IFI44L: variants seen among roughly 807,000 people sequenced by gnomAD.
IFI44L encodes the protein interferon induced protein 44 like, also known as interferon-induced protein 44-like.
IFI44L carries 40 observed loss-of-function variants against 39.3 expected under a neutral mutation model. The ratio of observed to expected loss-of-function variants is 1.02; its 90% CI spans 0.79 to 1.33. The LOEUF (loss-of-function observed/expected upper bound fraction) is 1.33. Among genes scored for constraint, IFI44L ranks in the 40% most tolerant of loss-of-function variants. The pLI, the probability that IFI44L is intolerant of heterozygous loss-of-function variation, is 0.00. For missense variants in IFI44L, 623 were observed against 549.0 expected, an observed-to-expected ratio of 1.13 and a Z score of -1.35; for synonymous variants, 198 against 182.3, an observed-to-expected ratio of 1.09 and a Z score of -0.69.
At chr1:78,625,036 GC>G (rs1412601924) in intron 1 of IFI44L, among the ~76,000 whole-genome samples, 4 of 150,950 alleles carry the variant, frequency 2.6e-5, no homozygotes, top group African/African-American at 9.7e-5. Flanking sequence ...GTCATGACAT[GC>G]TTTGACTCAG....
intron 4 of IFI44L, among the ~76,000 whole-genome samples, chr1:78,634,508 A>T (rs182497857): frequency 1.3e-3 from 201 of 152,266 alleles, no homozygotes; most frequent in African/African-American, 4.7e-3. Context: ...GAAATAAAGG[A>T]GGGATAAAGA....
At position 78,628,358 on chromosome 1, in the gene IFI44L, G is replaced by C. The variant is rs141849276; in HGVS notation, c.443G>C (p.Arg148Pro). ...TTGAAACTAAGGTTTTATGGCCACC[G>C]TCAGTATTTGGAATGTGAAGTTTTT... is the stretch of plus-strand genomic sequence containing the variant. ...RNLKLRFYGH[R>P]QYLECEVFRV... Residue 148 changes from arginine to proline, a missense_variant, in exon 2 of 9, where the codon CGT becomes CCT. Physicochemically the swap from Arg to Pro is moderately radical, Grantham distance 103. Transcript: ENST00000370751. The C allele has an allele frequency of 1.8e-5, 29 of 1,584,992 alleles. No homozygotes were observed. Among genetic ancestry groups the C allele is most frequent in the African/African-American group, 2.7e-5 (2 of 73,160 alleles).
At chr1:78,627,397 T>A (rs1223447413) in intron 1 of IFI44L, 1 of 152,100 alleles carries the variant, frequency 6.6e-6, no homozygotes, top group Non-Finnish European at 1.5e-5. Flanking sequence ...CTAGGCTCCA[T>A]TTTCTAATTC....
At chr1:78,636,994 C>G (rs768918622) in intron 5 of IFI44L, 38 bp from the exon 6 acceptor site, 32 of 1,505,944 alleles carry the variant, frequency 2.1e-5, no homozygotes, top group Non-Finnish European at 2.7e-5. Context: ...AACAGAGGCT[C>G]TCTGATTTCT....
intron 1 of IFI44L, among the ~76,000 whole-genome samples, chr1:78,621,840 G>C (rs1038245850): frequency 2.0e-5 from 3 of 151,948 alleles, no homozygotes; most frequent in African/African-American, 7.3e-5. Flanking sequence ...GGGTACAGGT[G>C]ATATTTGGTG....
intron 1 of IFI44L, among the ~76,000 whole-genome samples, chr1:78,624,908 T>C (rs927895761): frequency 2.6e-5 from 4 of 152,186 alleles, no homozygotes; most frequent in African/African-American, 9.6e-5. Context: ...CCTTGCGGGT[T>C]ATCTTGCGGT....
chr1:78,636,171 C>A (rs1357556340), intron 5 of IFI44L, among the ~76,000 whole-genome samples: 1 of 152,008 alleles, frequency 6.6e-6, no homozygotes, highest in Non-Finnish European at 1.5e-5. Context: ...AATTGGAAAC[C>A]TTACCTATGT....
intron 1 of IFI44L, among the ~76,000 whole-genome samples, chr1:78,622,569 C>G (rs1313372985): frequency 6.6e-6 from 1 of 152,012 alleles, no homozygotes. Flanking sequence ...TATAATCCCC[C>G]CTTGTCTGTG....
At position 78,641,993 on chromosome 1, in the gene IFI44L, C is replaced by T. The variant is rs1646992875; in HGVS notation, c.*184C>T. The T allele has an allele frequency of 1.1e-5, 7 of 658,340 alleles. No individual in the cohort carries two copies. In the East Asian group the frequency reaches 1.3e-4, roughly 12 times the overall value. The allele number at this position is 658,340 out of a possible 1,614,324, so 40.8% of individuals were successfully genotyped here. A position where few individuals can be genotyped will look rare whatever the true frequency, so the allele number is the denominator to read the frequency against. On this transcript the variant is annotated 3_prime_UTR_variant, in exon 9 of 9. Transcript: ENST00000370751. ...AAGCGGTGGGCTAAGATAGGTCCTA[C>T]TGCAAACCACCCCTCCATATTTCCG...
chr1:78,636,472 A>G (rs1652954902), intron 5 of IFI44L, among the ~76,000 whole-genome samples: 1 of 152,168 alleles, frequency 6.6e-6, no homozygotes. Context: ...CCATTGTTTC[A>G]TAATCTATTT....
chr1:78,638,194 T>C lies in IFI44L; in HGVS notation c.1048+991T>C, dbSNP rs112842536. Among the ~76,000 whole-genome samples, 5 of 152,290 alleles carry C rather than the reference T, an allele frequency of 3.3e-5. 1 individual carries two copies. Among genetic ancestry groups the C allele is most frequent in the African/African-American group, 1.2e-4 (5 of 41,582 alleles). ...TTGCATTGCTTAATGACTAATGACA[T>C]TGAACATCTTCTCATGTGCTTATTT... On this transcript the variant is annotated intron_variant, in intron 6 of 8. Coordinates refer to ENST00000370751, the MANE Select transcript of IFI44L (RefSeq NM_006820.4).
intron 4 of IFI44L, among the ~76,000 whole-genome samples, chr1:78,631,977 T>C (rs953859342): frequency 1.3e-5 from 2 of 152,154 alleles, no homozygotes; most frequent in Admixed American, 1.3e-4. Context: ...GTAACAGTTA[T>C]TGGTTTTATT....
chr1:78,633,823 A>C (rs1265548272), intron 4 of IFI44L, among the ~76,000 whole-genome samples: 2 of 152,222 alleles, frequency 1.3e-5, no homozygotes, highest in African/African-American at 4.8e-5. Flanking sequence ...CAGAGAAACA[A>C]TTTAACAAAA....
rs1647007151 is a variant in IFI44L at position 78,643,157 on chromosome 1, T to A, written c.*1348T>A. 6.6e-6 allele frequency: 1 copy of A among 151,948 alleles called. No individual in the cohort carries two copies. Among genetic ancestry groups the A allele is most frequent in the Non-Finnish European group, 1.5e-5 (1 of 67,998 alleles). 9.4% of individuals were successfully genotyped at this position (151,948 alleles called of 1,614,324 possible). On this transcript the variant is annotated 3_prime_UTR_variant, in exon 9 of 9. Transcript: ENST00000370751. ...CATAGATATTAAGAAAGCAAGAGTT[T>A]CTTATGTCCAGTTATGGAATATTTC...
Position 78,629,824 on chromosome 1 carries a change from C to A in IFI44L, c.632C>A (p.Ser211Tyr). Residue 211 changes from serine to tyrosine, a missense_variant, in exon 4 of 9, where the codon TCC becomes TAC. Coordinates refer to ENST00000370751, the MANE Select transcript of IFI44L (RefSeq NM_006820.4). ...GTGGGTCCAGTTGGGTCTGGAAAGT[C>A]CAGTTTTTTCAATTCAGTCAAGTCT... ...LLVGPVGSGK[S>Y]SFFNSVKSIF... is the part of the protein sequence containing the mutation. 1 of 1,613,758 alleles carries A rather than the reference C, an allele frequency of 6.2e-7. No homozygotes were observed.
At chr1:78,633,608 A>G (rs1192467798) in intron 4 of IFI44L, among the ~76,000 whole-genome samples, 1 of 152,198 alleles carries the variant, frequency 6.6e-6, no homozygotes, top group African/African-American at 2.4e-5. Context: ...GGCAATCTGC[A>G]AAGATTGGAA....
chr1:78,634,998 ATATG>A (rs1319406235), intron 4 of IFI44L, among the ~76,000 whole-genome samples: 17 of 113,974 alleles, frequency 1.5e-4, no homozygotes, highest in African/African-American at 4.9e-4. Flanking sequence ...ATATATATAT[ATATG>A]TGTGTGTGTG....
chr1:78,627,663 C>A (rs1410027795), intron 1 of IFI44L: 1 of 271,694 alleles, frequency 3.7e-6, no homozygotes, highest in African/African-American at 2.2e-5. Context: ...TTCCTTTATT[C>A]AACTTTCTGA....
chr1:78,630,640 TG>T (rs1652716324), intron 4 of IFI44L, among the ~76,000 whole-genome samples: 2 of 152,154 alleles, frequency 1.3e-5, no homozygotes, highest in Admixed American at 6.6e-5. Flanking sequence ...TATTGTCACT[TG>T]TTAGGGAATA....
Sources: gnomAD v4.1 joint callset for allele counts (sites outside exome capture counted in the v4.1 genomes callset) on GRCh38, gnomAD v4.1.1 for gene constraint, MANE v1.5 for transcripts, NCBI Gene and HGNC (gene_info 2026-07-23, HGNC 2026-07-21) for gene names.